The following DPYD variants were observed in gnomAD, a reference collection of about 807,000 sequenced individuals.
DPYD encodes dihydropyrimidine dehydrogenase [NADP(+)].
Under a neutral mutation model 116.2 loss-of-function variants are expected in DPYD, and 109 were observed. The observed-to-expected ratio is 0.94, with a 90% CI of 0.80 to 1.10. DPYD has a LOEUF of 1.10. DPYD is among the 50% of genes least tolerant of loss of function. The probability of loss-of-function intolerance (pLI) is 0.00; values close to 1 mark genes in which losing one functional copy is unlikely to be tolerated. For synonymous variants in DPYD, 440 were observed against 432.0 expected (o/e 1.02, Z -0.23); for missense variants, 1,302 against 1,254.5 (o/e 1.04, Z -0.57).
At chr1:97,771,251 G>A (rs908683774) in intron 3 of DPYD, among the ~76,000 whole-genome samples, 1 of 152,152 alleles carries the variant, frequency 6.6e-6, no homozygotes, top group East Asian at 1.9e-4. Context: ...GACAGAACGA[G>A]ACTTTGTCTC....
At chr1:97,670,178 T>A (rs1018283074) in intron 8 of DPYD, among the ~76,000 whole-genome samples, 5 of 152,170 alleles carry the variant, frequency 3.3e-5, no homozygotes, top group Admixed American at 6.6e-5. Flanking sequence ...CTAATTTTGT[T>A]AAGTATCCTA....
intron 14 of DPYD, among the ~76,000 whole-genome samples, chr1:97,440,830 G>A (rs1675746554): frequency 6.6e-6 from 1 of 152,138 alleles, no homozygotes; most frequent in African/African-American, 2.4e-5. Flanking sequence ...ACCACAGTTT[G>A]ACCTGGCATC....
intron 12 of DPYD, among the ~76,000 whole-genome samples, chr1:97,544,283 T>C (rs1029979698): frequency 2.3e-4 from 35 of 152,148 alleles, no homozygotes; most frequent in African/African-American, 8.4e-4. Context: ...TATCGCTGCT[T>C]AGCACTTTGC....
At chr1:97,638,901 C>A (rs758784023) in intron 8 of DPYD, among the ~76,000 whole-genome samples, 9 of 152,148 alleles carry the variant, frequency 5.9e-5, no homozygotes, top group African/African-American at 1.2e-4. Flanking sequence ...AGCCCCAACT[C>A]TAACAATGAG....
At chr1:97,137,384 T>A (rs1304332160) in intron 20 of DPYD, among the ~76,000 whole-genome samples, 1 of 152,244 alleles carries the variant, frequency 6.6e-6, no homozygotes, top group Non-Finnish European at 1.5e-5. Context: ...ATACTTTGGG[T>A]AGTAATGTAA....
At chr1:97,897,221 T>C (rs1218473991) in intron 1 of DPYD, among the ~76,000 whole-genome samples, 1 of 151,950 alleles carries the variant, frequency 6.6e-6, no homozygotes, top group African/African-American at 2.4e-5. Flanking sequence ...ATACTTTAAA[T>C]GTCTTCTCAC....
intron 20 of DPYD, among the ~76,000 whole-genome samples, chr1:97,102,000 A>T (rs1570457097): frequency 6.6e-6 from 1 of 152,166 alleles, no homozygotes; most frequent in African/African-American, 2.4e-5. Flanking sequence ...AAAGCATTAC[A>T]TTGCCGATAG....
At chr1:97,794,505 A>T (rs1251053550) in intron 3 of DPYD, among the ~76,000 whole-genome samples, 1 of 152,212 alleles carries the variant, frequency 6.6e-6, no homozygotes, top group African/African-American at 2.4e-5. Context: ...TTAAAGACTG[A>T]TCATAGATGT....
chr1:97,908,335 C>T (rs1408713015), intron 1 of DPYD, among the ~76,000 whole-genome samples: 1 of 151,992 alleles, frequency 6.6e-6, no homozygotes, highest in Non-Finnish European at 1.5e-5. Flanking sequence ...CGTAAGTCAT[C>T]GTACCTGGCC....
chr1:97,124,455 A>T (rs1017754536), intron 20 of DPYD, among the ~76,000 whole-genome samples: 2 of 152,146 alleles, frequency 1.3e-5, no homozygotes, highest in African/African-American at 4.8e-5. Flanking sequence ...ACCCAAAAAA[A>T]CAGTTCAAGG....
At chr1:97,438,453 G>A (rs1424666017) in intron 14 of DPYD, among the ~76,000 whole-genome samples, 1 of 151,838 alleles carries the variant, frequency 6.6e-6, no homozygotes, top group African/African-American at 2.4e-5. Context: ...AGATTTATCT[G>A]TATTTCATGA....
intron 13 of DPYD, among the ~76,000 whole-genome samples, chr1:97,463,876 C>A (rs1677156963): frequency 6.6e-6 from 1 of 152,108 alleles, no homozygotes; most frequent in Non-Finnish European, 1.5e-5. Context: ...GCAAAGCATT[C>A]AAGAGGTGAC....
chr1:97,161,389 A>G (rs1212854142), intron 20 of DPYD, among the ~76,000 whole-genome samples: 1 of 152,110 alleles, frequency 6.6e-6, no homozygotes, highest in Non-Finnish European at 1.5e-5. Flanking sequence ...AACAATATCA[A>G]TGTTCTAATA....
At chr1:97,186,067 A>C (rs915244729) in intron 20 of DPYD, among the ~76,000 whole-genome samples, 2 of 152,172 alleles carry the variant, frequency 1.3e-5, no homozygotes, top group Admixed American at 6.5e-5. Flanking sequence ...TGAAACTGTC[A>C]TTATGCTTTT....
chr1:97,801,601 T>G (rs187956057), intron 3 of DPYD, among the ~76,000 whole-genome samples: 5 of 151,870 alleles, frequency 3.3e-5, no homozygotes, highest in South Asian at 2.1e-4. Context: ...TTTTATATGG[T>G]AGCCAAAAAA....
At chr1:97,148,254 G>GGA (rs1557893161) in intron 20 of DPYD, among the ~76,000 whole-genome samples, 5 of 77,182 alleles carry the variant, frequency 6.5e-5, no homozygotes, top group African/African-American at 3.6e-4. Flanking sequence ...GTGTGTGTGT[G>GGA]GGGGGGGTGT....
At chr1:97,643,089 A>G (rs1658031980) in intron 8 of DPYD, among the ~76,000 whole-genome samples, 1 of 152,100 alleles carries the variant, frequency 6.6e-6, no homozygotes, top group Non-Finnish European at 1.5e-5. Flanking sequence ...GACAAATGGG[A>G]TCTAATTAAA....
At chr1:97,268,085 T>C (rs1208547509) in intron 18 of DPYD, among the ~76,000 whole-genome samples, 1 of 152,186 alleles carries the variant, frequency 6.6e-6, no homozygotes, top group African/African-American at 2.4e-5. Flanking sequence ...ACTTGTTTCA[T>C]GTAAGTCCAA....
At chr1:97,482,737 T>G (rs935025549) in intron 13 of DPYD, among the ~76,000 whole-genome samples, 1 of 152,166 alleles carries the variant, frequency 6.6e-6, no homozygotes, top group Non-Finnish European at 1.5e-5. Flanking sequence ...CAGTTACTTT[T>G]GTACAGAGAA....
Sources: allele counts gnomAD v4.1 joint callset (sites outside exome capture counted in the v4.1 genomes callset), GRCh38; gene constraint gnomAD v4.1.1; transcripts MANE v1.5; gene names NCBI Gene and HGNC (gene_info 2026-07-23, HGNC 2026-07-21).